The following C16orf89 variants were observed in gnomAD, a reference collection of about 807,000 sequenced individuals.
The protein encoded by C16orf89 is chromosome 16 open reading frame 89.
Under a neutral mutation model 41.5 loss-of-function variants are expected in C16orf89, and 57 were observed. The observed-to-expected ratio is 1.38, with a 90% CI of 1.11 to 1.71. The LOEUF is 1.71. Ranked by LOEUF, C16orf89 falls within the 40% of genes most tolerant of loss-of-function variation. The pLI is 0.00. For missense variants in C16orf89, 575 were observed against 445.9 expected (o/e 1.29, Z -2.61); for synonymous variants, 223 against 190.6 (o/e 1.17, Z -1.40).
At chr16:5,053,154 G>C (rs1396787273) in intron 6 of C16orf89, among the ~76,000 whole-genome samples, 3 of 152,172 alleles carry the variant, frequency 2.0e-5, no homozygotes, top group Admixed American at 2.0e-4. Context: ...TGGATCACTT[G>C]AGGTCAGGAG....
intron 2 of C16orf89, among the ~76,000 whole-genome samples, 164 bp downstream of exon 2, chr16:5,062,261 C>T (rs144086428): frequency 0.016 from 2,422 of 152,298 alleles, 31 homozygotes; most frequent in Non-Finnish European, 0.023. Context: ...AGGATGACCG[C>T]ACGTCCCCAG....
chr16:5,060,552 G>A, intron 2 of C16orf89, 116 bp from the exon 3 acceptor site: 2 of 1,105,472 alleles, frequency 1.8e-6, no homozygotes, highest in Non-Finnish European at 2.5e-6. Flanking sequence ...GCAGCTCAGG[G>A]CTCTAAGCCC....
chr16:5,054,856 C>A (rs183970284), intron 6 of C16orf89, among the ~76,000 whole-genome samples: 1 of 152,192 alleles, frequency 6.6e-6, no homozygotes. Flanking sequence ...CTATGTGAGA[C>A]GTCCCTTTCG....
chr16:5,061,092 C>G (rs546734418), intron 2 of C16orf89, among the ~76,000 whole-genome samples: 4 of 151,216 alleles, frequency 2.6e-5, no homozygotes, highest in South Asian at 4.2e-4. Context: ...GAAATCCCAT[C>G]TCTACTAAAA....
intron 6 of C16orf89, among the ~76,000 whole-genome samples, chr16:5,050,088 C>G (rs1225452848): frequency 1.3e-5 from 2 of 152,122 alleles, no homozygotes; most frequent in African/African-American, 4.8e-5. Context: ...GTGGAGTGTG[C>G]TGGGTGTGGT....
At chr16:5,044,641 A>G in intron 7 of C16orf89, 163 bp from the exon 8 acceptor site, 1 of 1,359,036 alleles carries the variant, frequency 7.4e-7, no homozygotes, top group Non-Finnish European at 1.0e-6. Flanking sequence ...CAGGAGTTCG[A>G]GACCAGCATG....
chr16:5,055,949 G>A, intron 5 of C16orf89, 104 bp downstream of exon 5: 3 of 206,922 alleles, frequency 1.4e-5, no homozygotes, highest in African/African-American at 1.2e-4. Context: ...GTGTGTGTGT[G>A]TGTGTGTGTG....
At chr16:5,062,607 T>C (rs1257552572) in intron 1 of C16orf89, 33 bp from the exon 2 acceptor site, 1 of 1,538,100 alleles carries the variant, frequency 6.5e-7, no homozygotes, top group Non-Finnish European at 8.8e-7. Flanking sequence ...CATTCAACTA[T>C]TTGGAATCGG....
intron 7 of C16orf89, 145 bp from the exon 8 acceptor site, chr16:5,044,623 C>T (rs548414551): frequency 4.1e-6 from 6 of 1,451,190 alleles, no homozygotes; most frequent in Non-Finnish European, 5.6e-6. Flanking sequence ...GGGCGGATCT[C>T]TTGAGATCAG....
At chr16:5,046,565 G>A (rs1443914011) in intron 7 of C16orf89, among the ~76,000 whole-genome samples, 1 of 152,170 alleles carries the variant, frequency 6.6e-6, no homozygotes, top group East Asian at 1.9e-4. Flanking sequence ...TGGCCAGGCT[G>A]GTCTCAAACT....
chr16:5,058,971 G>A (rs1956564168), intron 3 of C16orf89, among the ~76,000 whole-genome samples: 1 of 152,070 alleles, frequency 6.6e-6, no homozygotes, highest in South Asian at 2.1e-4. Flanking sequence ...CAGGCGCGGT[G>A]GCTTACACCT....
chr16:5,063,522 T>G (rs966784378), intron 1 of C16orf89, among the ~76,000 whole-genome samples: 1 of 152,156 alleles, frequency 6.6e-6, no homozygotes, highest in Admixed American at 6.5e-5. Context: ...GAGTGGTGGG[T>G]GAGCGAGCTA....
At chr16:5,047,523 A>G (rs1184694086) in intron 7 of C16orf89, among the ~76,000 whole-genome samples, 1 of 148,692 alleles carries the variant, frequency 6.7e-6, no homozygotes, top group Non-Finnish European at 1.5e-5. Context: ...GCTGGAGTGC[A>G]GTGGTGCGAT....
At chr16:5,047,454 C>T (rs1956318353) in intron 7 of C16orf89, among the ~76,000 whole-genome samples, 1 of 150,470 alleles carries the variant, frequency 6.6e-6, no homozygotes, top group African/African-American at 2.4e-5. Flanking sequence ...CTCTTGGACT[C>T]CCCACTTTCT....
chr16:5,050,393 A>G (rs1345932584), intron 6 of C16orf89, among the ~76,000 whole-genome samples: 1 of 152,044 alleles, frequency 6.6e-6, no homozygotes, highest in Non-Finnish European at 1.5e-5. Context: ...AACCTAGTGG[A>G]AATGGATAAA....
intron 4 of C16orf89, among the ~76,000 whole-genome samples, chr16:5,056,526 C>T (rs1567155952): frequency 6.6e-6 from 1 of 152,106 alleles, no homozygotes; most frequent in Non-Finnish European, 1.5e-5. Flanking sequence ...CTGGGAAGTG[C>T]CCAATGTGAT....
intron 1 of C16orf89, among the ~76,000 whole-genome samples, chr16:5,063,338 C>T (rs1458417054): frequency 1.3e-5 from 2 of 152,122 alleles, no homozygotes; most frequent in East Asian, 1.9e-4. Context: ...TGGGCAAACC[C>T]GCAGGGAAGA....
In C16orf89 at chr16:5,056,079, G is replaced by A; in HGVS notation, c.737C>T (p.Pro246Leu). 6.3e-7 allele frequency: 1 copy of A among 1,597,630 alleles called. No individual in the cohort carries two copies. Among genetic ancestry groups the A allele is most frequent in the Non-Finnish European group, 8.6e-7 (1 of 1,166,280 alleles). Reference sequence around the variant, plus strand: ...GTTTTCCATGAAGATGTCCCGGGTAGGGTAGGCGTATCCGATGGCCTCAGC... The same window carrying A: ...GTTTTCCATGAAGATGTCCCGGGTAAGGTAGGCGTATCCGATGGCCTCAGC... ...RRAEAIGYAYPTRDIFMENIM... is the reference protein window; with the variant it reads ...RRAEAIGYAYLTRDIFMENIM... The change falls in exon 5 of 8, where the codon CCT becomes CTT. Residue 246 changes from proline (P) to leucine (L), a missense_variant. By Grantham distance (98) the Pro-to-Leu change is moderately conservative (BLOSUM62 -3). Transcript: ENST00000472572.
intron 6 of C16orf89, among the ~76,000 whole-genome samples, chr16:5,050,047 G>A (rs1305855978): frequency 6.6e-6 from 1 of 152,146 alleles, no homozygotes; most frequent in African/African-American, 2.4e-5. Context: ...GATCATTAGA[G>A]ACTATTATAA....
Sources: gnomAD v4.1 joint callset for allele counts (sites outside exome capture counted in the v4.1 genomes callset) on GRCh38, gnomAD v4.1.1 for gene constraint, MANE v1.5 for transcripts, NCBI Gene and HGNC (gene_info 2026-07-23, HGNC 2026-07-21) for gene names.